The following CASTOR2 variants were observed in gnomAD, a reference collection of about 807,000 sequenced individuals.
CASTOR2 encodes GATS protein like 2.
A neutral mutation model predicts 31.2 loss-of-function variants in CASTOR2; 8 were observed. The observed-to-expected ratio is 0.26, with a 90% CI of 0.15 to 0.46. The LOEUF (loss-of-function observed/expected upper bound fraction) is 0.46. CASTOR2 is among the 20% of genes least tolerant of loss of function. The pLI is 0.99. For missense variants in CASTOR2, 216 were observed against 382.1 expected (o/e 0.57, Z 3.62); for synonymous variants, 162 against 158.7 (o/e 1.02, Z -0.16).
At chr7:74,974,497 C>A (rs1206576368) in intron 1 of CASTOR2, among the ~76,000 whole-genome samples, 1 of 150,224 alleles carries the variant, frequency 6.7e-6, no homozygotes, top group Non-Finnish European at 1.5e-5. Context: ...AGGGACACAA[C>A]TGGAGTGGGT....
Position 75,008,151 on chromosome 7 carries a change from C to T in CASTOR2, c.184+87C>T, listed in dbSNP as rs1554438969. ...CACCTCCTTATTTCTGTCCCCCGCCCACCTCCTTATTTCTGCCCCCACCTA... is the reference window on the plus strand; with the variant it reads ...CACCTCCTTATTTCTGTCCCCCGCCTACCTCCTTATTTCTGCCCCCACCTA... On this transcript the variant is annotated intron_variant, in intron 2 of 8. Transcript: ENST00000616305. 16 of 1,457,932 alleles carry T rather than the reference C, an allele frequency of 1.1e-5. No homozygotes were observed. The East Asian group carries it at 1.4e-4, about 13-fold the overall frequency. The allele number at this position is 1,457,932 out of a possible 1,614,324, so 90.3% of individuals were successfully genotyped here.
chr7:74,987,825 C>T (rs1342449802), intron 1 of CASTOR2, among the ~76,000 whole-genome samples: 3 of 151,972 alleles, frequency 2.0e-5, no homozygotes, highest in Non-Finnish European at 4.4e-5. Context: ...TTTCCCACCT[C>T]AGCCTCCTGA....
chr7:74,987,566 T>A (rs1238534616), intron 1 of CASTOR2, among the ~76,000 whole-genome samples: 1 of 152,138 alleles, frequency 6.6e-6, no homozygotes, highest in Non-Finnish European at 1.5e-5. Context: ...GGAGACCAAT[T>A]CAGGCAATTT....
chr7:75,008,783 G>A (rs1804662662), intron 2 of CASTOR2, among the ~76,000 whole-genome samples: 1 of 152,134 alleles, frequency 6.6e-6, no homozygotes, highest in South Asian at 2.1e-4. Flanking sequence ...CACTTGAAGT[G>A]AACCCAGCTA....
At position 75,008,046 on chromosome 7, in the gene CASTOR2, G is replaced by C; in HGVS notation, c.166G>C (p.Asp56His). 6.2e-7 allele frequency: 1 copy of C among 1,613,882 alleles called. No homozygotes were observed. Among genetic ancestry groups the C allele is most frequent in the East Asian group, 2.2e-5 (1 of 44,872 alleles). Residue 56 changes from aspartate (D) to histidine (H), a missense_variant, in exon 2 of 9, where the codon GAT (aspartate) becomes CAT (histidine). By Grantham distance (81) the Asp-to-His change is moderately conservative. Transcript: ENST00000616305. ...ETPEDYTIIV[D>H]EEGFLELPSS... The stretch of plus-strand genomic sequence containing the variant: ...GCCAGAGGATTACACTATCATTGTC[G>C]ATGAGGAAGGATTCCTAGGTAAGTG...
At chr7:74,989,957 C>T (rs1384207558) in intron 1 of CASTOR2, among the ~76,000 whole-genome samples, 71 of 152,176 alleles carry the variant, frequency 4.7e-4, no homozygotes, top group African/African-American at 1.7e-3. Flanking sequence ...TGCCAAAAGT[C>T]ATCTAATTGC....
At chr7:75,005,672 G>A (rs1461254841) in intron 1 of CASTOR2, among the ~76,000 whole-genome samples, 2 of 152,230 alleles carry the variant, frequency 1.3e-5, no homozygotes, top group Admixed American at 6.5e-5. Flanking sequence ...CTGAGGCTGG[G>A]TGGTCAATGT....
At chr7:74,996,119 AG>A (rs1490373891) in intron 1 of CASTOR2, among the ~76,000 whole-genome samples, 1 of 151,500 alleles carries the variant, frequency 6.6e-6, no homozygotes, top group Non-Finnish European at 1.5e-5. Flanking sequence ...TGGGGGAGGG[AG>A]GGTTAAGCTC....
In CASTOR2 at chr7:75,028,059, G is replaced by C; in HGVS notation, c.*3360G>C. 6.5e-7 allele frequency: 1 copy of C among 1,534,282 alleles called. No individual in the cohort carries two copies. On this transcript the variant is annotated 3_prime_UTR_variant, in exon 9 of 9. Coordinates refer to ENST00000616305, the MANE Select transcript of CASTOR2 (RefSeq NM_001145064.3). Reference sequence around the variant, plus strand: ...AGAGGAGTGGGCCTGTTGTCTTGGCGCTGGCGGATGGGGCAGGTGCCTGGC... The same window carrying C: ...AGAGGAGTGGGCCTGTTGTCTTGGCCCTGGCGGATGGGGCAGGTGCCTGGC...
In CASTOR2 at chr7:75,025,644, C is replaced by T. The variant is rs1805108343; in HGVS notation, c.*945C>T. The stretch of plus-strand genomic sequence containing the variant: ...CCCCCAAGTCACCTGCCTGCCCACC[C>T]GCCCCTTGGCTGGGGGCTGTGGCAT... On this transcript the variant is annotated 3_prime_UTR_variant, in exon 9 of 9. Transcript: ENST00000616305. Among the ~76,000 whole-genome samples the T allele has an allele frequency of 6.6e-6, 1 of 152,280 alleles. No individual in the cohort carries two copies. The highest frequency in any genetic ancestry group is 6.5e-5 in the Admixed American group (1 of 15,290).
chr7:74,984,008 C>A (rs1279049266), intron 1 of CASTOR2, among the ~76,000 whole-genome samples: 1 of 151,072 alleles, frequency 6.6e-6, no homozygotes, highest in Non-Finnish European at 1.5e-5. Flanking sequence ...CCTCAAACTC[C>A]TGGCCTCAAA....
chr7:74,999,169 GTATTTT>G (rs1250986224), intron 1 of CASTOR2, among the ~76,000 whole-genome samples: 7 of 151,504 alleles, frequency 4.6e-5, no homozygotes, highest in African/African-American at 1.2e-4. Context: ...CTAATTTTTT[GTATTTT>G]TATTTTTATT....
intron 1 of CASTOR2, among the ~76,000 whole-genome samples, chr7:74,983,987 GC>G (rs1804007492): frequency 6.6e-6 from 1 of 150,958 alleles, no homozygotes; most frequent in African/African-American, 2.4e-5. Context: ...TCACTTTGTT[GC>G]CCAGGCTGGC....
intron 1 of CASTOR2, among the ~76,000 whole-genome samples, chr7:74,974,089 GCCTTTTT>G (rs1322408536): frequency 9.1e-6 from 1 of 110,284 alleles, no homozygotes; most frequent in African/African-American, 3.8e-5. Flanking sequence ...TTTTTCCTAT[GCCTTTTT>G]CCTTTTTCCT....
chr7:74,990,382 C>CAAAAAAAA (rs1229476692), intron 1 of CASTOR2, among the ~76,000 whole-genome samples: 1 of 140,330 alleles, frequency 7.1e-6, no homozygotes, highest in Non-Finnish European at 1.5e-5. Flanking sequence ...GACTCTATCT[C>CAAAAAAAA]AAAAAAAAAA....
chr7:74,973,334 T>G (rs1803724884), intron 1 of CASTOR2, among the ~76,000 whole-genome samples: 1 of 78,468 alleles, frequency 1.3e-5, no homozygotes, highest in Admixed American at 1.1e-4. Flanking sequence ...TCCAGTAAGC[T>G]TTTTTTTTTT....
intron 1 of CASTOR2, among the ~76,000 whole-genome samples, chr7:74,996,626 G>A (rs1406441043): frequency 6.7e-6 from 1 of 148,606 alleles, no homozygotes; most frequent in African/African-American, 2.5e-5. Context: ...TTATGTCAGG[G>A]AAAGACCAGG....
chr7:75,017,430 A>G (rs1468032898), intron 2 of CASTOR2, among the ~76,000 whole-genome samples, 168 bp from the exon 3 acceptor site: 2 of 152,176 alleles, frequency 1.3e-5, no homozygotes, highest in Non-Finnish European at 2.9e-5. Context: ...CAGCCGGGCG[A>G]CAGAGCAAGA....
intron 1 of CASTOR2, among the ~76,000 whole-genome samples, chr7:75,005,667 G>A (rs1324380359): frequency 6.6e-6 from 1 of 152,220 alleles, no homozygotes; most frequent in Non-Finnish European, 1.5e-5. Flanking sequence ...GATAGCTGAG[G>A]CTGGGTGGTC....
Sources: allele counts gnomAD v4.1 joint callset (sites outside exome capture counted in the v4.1 genomes callset), GRCh38; gene constraint gnomAD v4.1.1; transcripts MANE v1.5; gene names NCBI Gene and HGNC (gene_info 2026-07-23, HGNC 2026-07-21).